STAU2: variants seen among roughly 807,000 people sequenced by gnomAD.
STAU2 encodes the protein staufen double-stranded RNA binding protein 2, also known as double-stranded RNA-binding protein Staufen homolog 2.
A neutral mutation model predicts 65.9 loss-of-function variants in STAU2; 20 were observed. The observed-to-expected ratio is 0.30, with a 90% CI of 0.21 to 0.44. The LOEUF (loss-of-function observed/expected upper bound fraction) is 0.44, where lower values mean the gene tolerates loss of function less well. STAU2 is among the 20% of genes least tolerant of loss of function. STAU2 has a pLI of 1.00. For missense variants in STAU2, 558 were observed against 683.9 expected (o/e 0.82, Z 2.05); for synonymous variants, 232 against 233.9 (o/e 0.99, Z 0.07).
At chr8:73,454,694 C>T (rs1818970025) in intron 13 of STAU2, among the ~76,000 whole-genome samples, 1 of 152,172 alleles carries the variant, frequency 6.6e-6, no homozygotes, top group Admixed American at 6.5e-5. Flanking sequence ...TGGCATTTTA[C>T]ATTTTCTTAT....
At chr8:73,570,073 A>C (rs1586026910) in intron 12 of STAU2, among the ~76,000 whole-genome samples, 1 of 152,358 alleles carries the variant, frequency 6.6e-6, no homozygotes, top group Middle Eastern at 3.4e-3. Context: ...CCTTGAAAAA[A>C]GATTCGACAA....
At chr8:73,465,602 G>A (rs557093831) in intron 13 of STAU2, among the ~76,000 whole-genome samples, 7 of 152,176 alleles carry the variant, frequency 4.6e-5, no homozygotes, top group African/African-American at 1.7e-4. Flanking sequence ...ACCTCTTTCT[G>A]CTCCTTTTTT....
chr8:73,603,276 C>G (rs1446785540), intron 10 of STAU2, among the ~76,000 whole-genome samples: 1 of 152,218 alleles, frequency 6.6e-6, no homozygotes, highest in Admixed American at 6.5e-5. Flanking sequence ...GTGCCTCAGC[C>G]CCCACCATGG....
intron 13 of STAU2, among the ~76,000 whole-genome samples, chr8:73,489,761 T>C (rs541524928): frequency 6.6e-6 from 1 of 152,164 alleles, no homozygotes; most frequent in African/African-American, 2.4e-5. Context: ...TCAAAGGTGG[T>C]GAGCTAATTG....
At chr8:73,482,162 A>T (rs1051872805) in intron 13 of STAU2, among the ~76,000 whole-genome samples, 2 of 137,294 alleles carry the variant, frequency 1.5e-5, no homozygotes, top group African/African-American at 5.6e-5. Flanking sequence ...TAGGTGTTGC[A>T]TGCCTCATTA....
chr8:73,550,911 T>C, intron 13 of STAU2: 1 of 986,426 alleles, frequency 1.0e-6, no homozygotes, highest in Non-Finnish European at 1.2e-6. Flanking sequence ...TTCTTTTTCA[T>C]TTTATAATCT....
intron 6 of STAU2, among the ~76,000 whole-genome samples, chr8:73,665,265 T>A (rs1198312083): frequency 6.6e-6 from 1 of 152,178 alleles, no homozygotes; most frequent in Non-Finnish European, 1.5e-5. Flanking sequence ...CAGTTCTACA[T>A]CTATTCTATA....
rs1446356546 is a variant in STAU2 at position 73,478,047 on chromosome 8, T to TA, written c.1531-55346_1531-55345insT. Among the ~76,000 whole-genome samples, 653 of 133,400 alleles carry TA rather than the reference T, an allele frequency of 4.9e-3. 5 individuals carry two copies. The highest frequency in any genetic ancestry group is 0.013 in the African/African-American group (384 of 28,548). 87.5% of individuals were successfully genotyped at this position (133,400 alleles called of 152,430 possible). On this transcript the variant is annotated intron_variant, in intron 13 of 14. Transcript: ENST00000524300. ...AAATATATATATGTATATATATATA[T>TA]TTTTTTTTGTAGTAAGAAAATGCAG...
chr8:73,629,592 C>T (rs1168362653), intron 6 of STAU2, among the ~76,000 whole-genome samples: 1 of 152,128 alleles, frequency 6.6e-6, no homozygotes, highest in Non-Finnish European at 1.5e-5. Flanking sequence ...TGGAGATCTC[C>T]TGTCAGATTT....
intron 11 of STAU2, among the ~76,000 whole-genome samples, chr8:73,593,340 A>G (rs1436082146): frequency 1.3e-5 from 2 of 152,220 alleles, no homozygotes; most frequent in Non-Finnish European, 1.5e-5. Flanking sequence ...ACTTCGCATA[A>G]TAACAGTGAC....
intron 8 of STAU2, 87 bp downstream of exon 8, chr8:73,615,588 G>T: frequency 1.1e-6 from 1 of 939,064 alleles, no homozygotes; most frequent in Non-Finnish European, 1.7e-6. Context: ...ACTCTTGCAG[G>T]ATACTAATAC....
intron 13 of STAU2, among the ~76,000 whole-genome samples, chr8:73,515,184 C>T (rs1324160241): frequency 1.3e-5 from 2 of 152,100 alleles, no homozygotes; most frequent in Non-Finnish European, 2.9e-5. Context: ...CTGAAAACTG[C>T]TGGGCCAAAT....
At chr8:73,638,513 T>G (rs1353192777) in intron 6 of STAU2, among the ~76,000 whole-genome samples, 2 of 151,434 alleles carry the variant, frequency 1.3e-5, no homozygotes, top group East Asian at 3.8e-4. Context: ...TTTTTTTTTT[T>G]TTTTTAAAAA....
At chr8:73,626,445 C>G (rs1415725983) in intron 6 of STAU2, among the ~76,000 whole-genome samples, 1 of 152,148 alleles carries the variant, frequency 6.6e-6, no homozygotes, top group Non-Finnish European at 1.5e-5. Flanking sequence ...ATGGAAGCCA[C>G]TGGAAAGTTT....
chr8:73,585,559 T>G (rs1394861864), intron 11 of STAU2, among the ~76,000 whole-genome samples: 1 of 152,246 alleles, frequency 6.6e-6, no homozygotes, highest in Non-Finnish European at 1.5e-5. Flanking sequence ...ACTTCAAAAT[T>G]TCTTTCTTTT....
intron 10 of STAU2, among the ~76,000 whole-genome samples, chr8:73,596,580 C>T (rs1341827587): frequency 1.3e-5 from 2 of 152,090 alleles, no homozygotes; most frequent in Non-Finnish European, 2.9e-5. Context: ...CAGTGTAATT[C>T]TGGTCAGGTG....
At chr8:73,438,117 C>A (rs1817849014) in intron 13 of STAU2, among the ~76,000 whole-genome samples, 1 of 152,132 alleles carries the variant, frequency 6.6e-6, no homozygotes, top group Admixed American at 6.5e-5. Flanking sequence ...AGAGTGTGCC[C>A]CCCAACAAAT....
At chr8:73,464,015 AC>A (rs1246532031) in intron 13 of STAU2, among the ~76,000 whole-genome samples, 1 of 152,204 alleles carries the variant, frequency 6.6e-6, no homozygotes, top group Non-Finnish European at 1.5e-5. Context: ...CATCTTTAGT[AC>A]ACCTATTTTT....
At chr8:73,738,168 T>C (rs1216270081) in intron 3 of STAU2, 116 bp downstream of exon 3, 1 of 941,182 alleles carries the variant, frequency 1.1e-6, no homozygotes, top group Non-Finnish European at 1.7e-6. Flanking sequence ...AGGTAACTGC[T>C]TTAAAAAGTG....
Sources: gnomAD v4.1 joint callset for allele counts (sites outside exome capture counted in the v4.1 genomes callset) on GRCh38, gnomAD v4.1.1 for gene constraint, MANE v1.5 for transcripts, NCBI Gene and HGNC (gene_info 2026-07-23, HGNC 2026-07-21) for gene names.